Variants in STAC observed in about 807,000 individuals in gnomAD.
The protein encoded by STAC is SH3 and cysteine rich domain, also known as SH3 and cysteine-rich domain-containing protein.
A neutral mutation model predicts 48.8 loss-of-function variants in STAC; 43 were observed. The observed-to-expected ratio is 0.88, with a 90% CI of 0.69 to 1.14. The LOEUF is 1.14. Among genes scored for constraint, STAC ranks in the 50% most tolerant of loss-of-function variants. The pLI is 0.00. For synonymous variants in STAC, 193 were observed against 179.5 expected, an observed-to-expected ratio of 1.07 and a Z score of -0.60; for missense variants, 497 against 504.0, an observed-to-expected ratio of 0.99 and a Z score of 0.13.
chr3:36,526,711 T>G (rs1698945053), intron 8 of STAC, among the ~76,000 whole-genome samples: 1 of 152,264 alleles, frequency 6.6e-6, no homozygotes, highest in Admixed American at 6.5e-5. Flanking sequence ...ACTCCAGAAT[T>G]AAGCCAACAC....
chr3:36,506,130 A>T (rs576178907), intron 8 of STAC: 78 of 217,350 alleles, frequency 3.6e-4, no homozygotes, highest in Middle Eastern at 3.1e-3. Context: ...GTACATGCTC[A>T]ACAGAACTGC....
intron 1 of STAC, among the ~76,000 whole-genome samples, chr3:36,431,013 T>C (rs1367662884): frequency 6.6e-6 from 1 of 152,168 alleles, no homozygotes; most frequent in African/African-American, 2.4e-5. Flanking sequence ...CGGTAGCAAA[T>C]ACCCACTATT....
intron 1 of STAC, among the ~76,000 whole-genome samples, chr3:36,401,200 C>T (rs1437131541): frequency 6.6e-6 from 1 of 152,098 alleles, no homozygotes; most frequent in South Asian, 2.1e-4. Flanking sequence ...AATAAAGGAA[C>T]AGATGGTCAG....
At chr3:36,432,115 A>AG (rs1298803522) in intron 1 of STAC, among the ~76,000 whole-genome samples, 8 of 152,160 alleles carry the variant, frequency 5.3e-5, no homozygotes, top group Non-Finnish European at 1.2e-4. Context: ...GGGGATTTTG[A>AG]GAAGTCAGAG....
At chr3:36,451,435 AT>A (rs1240040283) in intron 2 of STAC, among the ~76,000 whole-genome samples, 2 of 151,760 alleles carry the variant, frequency 1.3e-5, no homozygotes, top group Non-Finnish European at 2.9e-5. Context: ...TCAGATTTTT[AT>A]TGTTATTTCA....
At chr3:36,469,947 T>C (rs1697283408) in intron 2 of STAC, among the ~76,000 whole-genome samples, 1 of 152,196 alleles carries the variant, frequency 6.6e-6, no homozygotes, top group Non-Finnish European at 1.5e-5. Context: ...GCTACCTATT[T>C]CACTGAACAA....
At chr3:36,541,855 A>C (rs186634717) in intron 10 of STAC, among the ~76,000 whole-genome samples, 182 of 152,232 alleles carry the variant, frequency 1.2e-3, no homozygotes, top group African/African-American at 4.1e-3. Flanking sequence ...TGCTGCACTT[A>C]CCTTGGTGTT....
intron 10 of STAC, among the ~76,000 whole-genome samples, chr3:36,533,974 C>CAATTTTTTA (rs1197157385): frequency 6.6e-6 from 1 of 151,966 alleles, no homozygotes; most frequent in Non-Finnish European, 1.5e-5. Flanking sequence ...AAGATAGTAT[C>CAATTTTTTA]AATTTTTTAA....
chr3:36,509,697 C>A (rs1308452026), intron 8 of STAC, among the ~76,000 whole-genome samples: 1 of 151,518 alleles, frequency 6.6e-6, no homozygotes, highest in Non-Finnish European at 1.5e-5. Context: ...CTGAAAAAAA[C>A]AAGCAATGGA....
At chr3:36,448,862 G>A (rs558036372) in intron 2 of STAC, among the ~76,000 whole-genome samples, 1 of 151,364 alleles carries the variant, frequency 6.6e-6, no homozygotes. Flanking sequence ...AGGATAGCTT[G>A]AGGCTAGGAG....
At chr3:36,393,482 T>C (rs920420834) in intron 1 of STAC, among the ~76,000 whole-genome samples, 8 of 151,992 alleles carry the variant, frequency 5.3e-5, no homozygotes, top group African/African-American at 1.7e-4. Flanking sequence ...TAGGGTAGCA[T>C]AGGAAGCTAT....
At position 36,407,074 on chromosome 3, in the gene STAC, T is replaced by C. The variant is rs75142044; in HGVS notation, c.111+26320T>C. On this transcript the variant is annotated intron_variant, in intron 1 of 10. Transcript: ENST00000273183. The stretch of plus-strand genomic sequence containing the variant: ...TTCTAGGGTTGTAGTAAACATTAAA[T>C]GGAAAAGCGTATGTAGACTAATAGC... Among the ~76,000 whole-genome samples the C allele has an allele frequency of 5.7e-3, 873 of 152,306 alleles. 5 individuals are homozygous for C. Among genetic ancestry groups the C allele is most frequent in the Non-Finnish European group, 5.8e-3 (395 of 68,038 alleles).
At chr3:36,492,122 T>G (rs531758631) in intron 5 of STAC, among the ~76,000 whole-genome samples, 1 of 132,580 alleles carries the variant, frequency 7.5e-6, no homozygotes, top group Admixed American at 8.1e-5. Context: ...TAGAGCCAGT[T>G]AGACTGAAGC....
chr3:36,492,083 G>T lies in STAC; in HGVS notation c.688-1068G>T, dbSNP rs1370261398. 3.0e-5 allele frequency among the ~76,000 whole-genome samples: 3 copies of T among 100,662 alleles called. No individual in the cohort carries two copies. In the East Asian group the frequency reaches 9.6e-4, roughly 32 times the overall value. 66.0% of individuals were successfully genotyped at this position (100,662 alleles called of 152,430 possible). A position where few individuals can be genotyped will look rare whatever the true frequency, so the allele number is the denominator to read the frequency against. On this transcript the variant is annotated intron_variant, in intron 5 of 10. Coordinates refer to ENST00000273183, the MANE Select transcript of STAC (RefSeq NM_003149.3). ...ATATATATATGTGACTGTCCTCAGA[G>T]GCCCCCTAAATTCCTCTTGTGAAGA...
rs76901553 is a variant in STAC at position 36,383,526 on chromosome 3, G to A, written c.111+2772G>A. Among the ~76,000 whole-genome samples, 1,151 of 152,130 alleles carry A rather than the reference G, an allele frequency of 7.6e-3. 8 individuals carry two copies. Among genetic ancestry groups the A allele is most frequent in the Non-Finnish European group, 0.012 (803 of 67,972 alleles). ...TTCCAGACATGAAATAACTTCACCC[G>A]TAAATATGCTATCAGGTTACATCTC... On this transcript the variant is annotated intron_variant, in intron 1 of 10. Coordinates refer to ENST00000273183, the MANE Select transcript of STAC (RefSeq NM_003149.3).
chr3:36,521,940 T>G (rs1002485364), intron 8 of STAC, among the ~76,000 whole-genome samples: 9 of 151,922 alleles, frequency 5.9e-5, no homozygotes, highest in Non-Finnish European at 4.4e-5. Flanking sequence ...ATTTTAAAAG[T>G]TAGCTGGGAG....
Sources: allele counts gnomAD v4.1 joint callset (sites outside exome capture counted in the v4.1 genomes callset), GRCh38; gene constraint gnomAD v4.1.1; transcripts MANE v1.5; gene names NCBI Gene and HGNC (gene_info 2026-07-23, HGNC 2026-07-21).